S100Z: variants seen among roughly 807,000 people sequenced by gnomAD.
S100Z encodes protein S100-Z.
S100Z carries 11 observed loss-of-function variants against 8.5 expected under a neutral mutation model. That is an observed-to-expected ratio of 1.30 (90% confidence interval 0.82 to 2.15). S100Z has a LOEUF of 2.15. S100Z is among the 30% of genes most tolerant of loss of function. The pLI is 0.00. For missense variants in S100Z, 126 were observed against 117.9 expected, an observed-to-expected ratio of 1.07 and a Z score of -0.32; for synonymous variants, 34 against 43.8, an observed-to-expected ratio of 0.78 and a Z score of 0.89.
rs184133176 is a variant in S100Z at position 76,882,408 on chromosome 5, G to A, written c.*2+4574G>A. On this transcript the variant is annotated intron_variant, in intron 4 of 4. Transcript: ENST00000317593. Reference sequence around the variant, plus strand: ...ATGAAAAAGGATTGGGATGAGTTAGGGAGAGCTAGTGTGGGGGCAGCTTCT... The same window carrying A: ...ATGAAAAAGGATTGGGATGAGTTAGAGAGAGCTAGTGTGGGGGCAGCTTCT... 1.7e-4 allele frequency among the ~76,000 whole-genome samples: 26 copies of A among 152,266 alleles called. No individual in the cohort carries two copies. The East Asian group carries it at 4.8e-3, about 28-fold the overall frequency.
the S100Z span, among the ~76,000 whole-genome samples, chr5:76,930,245 A>G: frequency 6.6e-6 from 1 of 152,158 alleles, no homozygotes; most frequent in African/African-American, 2.4e-5. Flanking sequence ...AGATTCTCAG[A>G]CTCTGACAGC....
rs139890657 is a variant in S100Z at position 76,914,181 on chromosome 5, T to C, written c.*3-6536T>C. Among the ~76,000 whole-genome samples, 1,457 of 152,102 alleles carry C rather than the reference T, an allele frequency of 9.6e-3. 20 individuals are homozygous for C. The highest frequency in any genetic ancestry group is 0.033 in the African/African-American group (1,353 of 41,478). On this transcript the variant is annotated intron_variant, in intron 4 of 4. Transcript: ENST00000317593. ...AACTGCAGGGCTCCTTCTTTGCCCT[T>C]ATCCAGCAGGAAGTAGCTAAAGCGG...
chr5:76,850,442 C>T (rs1182316828), intron 1 of S100Z, among the ~76,000 whole-genome samples: 1 of 152,118 alleles, frequency 6.6e-6, no homozygotes, highest in Non-Finnish European at 1.5e-5. Flanking sequence ...CATTCTGGCT[C>T]CTTTCCTGGT....
At chr5:76,882,530 T>C (rs1463635249) in intron 4 of S100Z, among the ~76,000 whole-genome samples, 2 of 152,120 alleles carry the variant, frequency 1.3e-5, no homozygotes, top group Admixed American at 6.5e-5. Context: ...ATGGTTTTGT[T>C]AGGATGGCAA....
intron 4 of S100Z, among the ~76,000 whole-genome samples, chr5:76,910,092 GA>G: frequency 6.6e-6 from 1 of 152,190 alleles, no homozygotes; most frequent in East Asian, 1.9e-4. Context: ...CTGTGTTCTA[GA>G]AGGACTAAGG....
At chr5:76,911,391 C>T (rs10447163) in intron 4 of S100Z, among the ~76,000 whole-genome samples, 107,042 of 152,028 alleles carry the variant, frequency 0.7, 38,824 homozygotes, top group African/African-American at 0.88. Flanking sequence ...CTCTCCCAAA[C>T]ACCAGAGGAA....
At chr5:76,933,039 C>T in the S100Z span, among the ~76,000 whole-genome samples, 1 of 152,180 alleles carries the variant, frequency 6.6e-6, no homozygotes, top group African/African-American at 2.4e-5. Context: ...TCTCAATTCT[C>T]GCTATTTGCA....
intron 4 of S100Z, among the ~76,000 whole-genome samples, chr5:76,891,348 G>C (rs1485781627): frequency 6.6e-6 from 1 of 152,172 alleles, no homozygotes; most frequent in Admixed American, 6.6e-5. Flanking sequence ...GTCTAGGGAT[G>C]GGGCCCAGGC....
chr5:76,850,988 A>G (rs1319173506), intron 1 of S100Z, among the ~76,000 whole-genome samples: 1 of 152,120 alleles, frequency 6.6e-6, no homozygotes, highest in Non-Finnish European at 1.5e-5. Flanking sequence ...TTTGAGGATG[A>G]CATAAAGGAA....
chr5:76,918,142 G>A (rs1262232844), intron 4 of S100Z, among the ~76,000 whole-genome samples: 1 of 152,156 alleles, frequency 6.6e-6, no homozygotes, highest in African/African-American at 2.4e-5. Flanking sequence ...CTATGCACGT[G>A]TTGTTTTTCC....
intron 4 of S100Z, among the ~76,000 whole-genome samples, chr5:76,897,077 G>T (rs1430682037): frequency 6.6e-6 from 1 of 152,114 alleles, no homozygotes; most frequent in Non-Finnish European, 1.5e-5. Flanking sequence ...ATAATTTGAA[G>T]TCAGGTAATG....
At chr5:76,946,809 T>G in the S100Z span, among the ~76,000 whole-genome samples, 2,204 of 152,278 alleles carry the variant, frequency 0.014, 62 homozygotes, top group African/African-American at 0.05. Context: ...TATATCACCA[T>G]TTCACATGTA....
intron 4 of S100Z, among the ~76,000 whole-genome samples, chr5:76,908,861 A>G (rs1413428282): frequency 2.6e-5 from 4 of 152,178 alleles, no homozygotes; most frequent in African/African-American, 9.7e-5. Flanking sequence ...GGACTCTAAC[A>G]GGTTTTCGAG....
chr5:76,862,328 C>A (rs972554477), intron 1 of S100Z, among the ~76,000 whole-genome samples: 1 of 152,102 alleles, frequency 6.6e-6, no homozygotes, highest in Non-Finnish European at 1.5e-5. Flanking sequence ...GAAGGTATAG[C>A]CAGTTCTAGG....
intron 4 of S100Z, among the ~76,000 whole-genome samples, chr5:76,883,997 T>A (rs1561235166): frequency 7.1e-6 from 1 of 141,792 alleles, no homozygotes; most frequent in South Asian, 2.1e-4. Context: ...CTTGGCTGCC[T>A]CTACTCTATT....
At chr5:76,922,278 CA>C (rs1745061909), downstream of S100Z, among the ~76,000 whole-genome samples, 1 of 152,176 alleles carries the variant, frequency 6.6e-6, no homozygotes, top group Non-Finnish European at 1.5e-5. Context: ...TAGGGGGTCT[CA>C]GCAAATAACC....
intron 4 of S100Z, among the ~76,000 whole-genome samples, chr5:76,911,505 C>T (rs1744658382): frequency 6.6e-6 from 1 of 152,242 alleles, no homozygotes; most frequent in Admixed American, 6.5e-5. Context: ...ACAGACCACA[C>T]ATCTCAACTT....
At chr5:76,859,649 G>A (rs540754036) in intron 1 of S100Z, among the ~76,000 whole-genome samples, 14 of 151,910 alleles carry the variant, frequency 9.2e-5, no homozygotes, top group African/African-American at 3.4e-4. Flanking sequence ...GGGCGTGGTG[G>A]CGGGCGCCTG....
chr5:76,952,337 G>A, the S100Z span, among the ~76,000 whole-genome samples: 1 of 152,220 alleles, frequency 6.6e-6, no homozygotes, highest in Admixed American at 6.5e-5. Context: ...CCTGGTCTAG[G>A]AGTGTGTACA....
Sources: allele counts gnomAD v4.1 joint callset (sites outside exome capture counted in the v4.1 genomes callset), GRCh38; gene constraint gnomAD v4.1.1; transcripts MANE v1.5; gene names NCBI Gene and HGNC (gene_info 2026-07-23, HGNC 2026-07-21).